Variants in TNFAIP8 observed in about 807,000 individuals in gnomAD.
The protein encoded by TNFAIP8 is tumor necrosis factor alpha-induced protein 8.
In TNFAIP8, 7 loss-of-function variants were observed where a neutral mutation model predicts 13.3. The observed-to-expected ratio is 0.52, with a 90% CI of 0.30 to 0.99. The LOEUF (loss-of-function observed/expected upper bound fraction) is 0.99. Among genes scored for constraint, TNFAIP8 ranks in the 50% least tolerant of loss-of-function variants. TNFAIP8 has a pLI of 0.07. For missense variants in TNFAIP8, 258 were observed against 236.9 expected (o/e 1.09, Z -0.58); for synonymous variants, 94 against 87.6 (o/e 1.07, Z -0.41).
At position 119,397,991 on chromosome 5, in the gene TNFAIP8, C is replaced by T. The variant is rs1465492990; in HGVS notation, c.*4610C>T. 1 of 152,210 alleles carries T rather than the reference C, an allele frequency of 6.6e-6. No homozygotes were observed. 9.4% of individuals were successfully genotyped at this position (152,210 alleles called of 1,614,324 possible). On this transcript the variant is annotated 3_prime_UTR_variant, in exon 2 of 2. Coordinates refer to ENST00000504771, the MANE Select transcript of TNFAIP8 (RefSeq NM_014350.4). ...AGCGAGTCCCAAATCGTACCATCTG[C>T]TGAGCACTGAGAAAGGATATGGACA... is the stretch of plus-strand genomic sequence containing the variant.
chr5:119,306,702 A>G (rs560638148), intron 1 of TNFAIP8: 1 of 152,246 alleles, frequency 6.6e-6, no homozygotes, highest in South Asian at 2.1e-4. Flanking sequence ...TGATTTTCCC[A>G]AAAGGGATAC....
At chr5:119,292,051 T>C (rs142189580) in intron 1 of TNFAIP8, among the ~76,000 whole-genome samples, 20 of 152,198 alleles carry the variant, frequency 1.3e-4, no homozygotes, top group African/African-American at 4.6e-4. Flanking sequence ...CCGGAAGCGA[T>C]TGATTTGCTC....
intron 1 of TNFAIP8, among the ~76,000 whole-genome samples, chr5:119,289,056 A>G (rs1748904017): frequency 6.6e-6 from 1 of 152,102 alleles, no homozygotes; most frequent in Non-Finnish European, 1.5e-5. Flanking sequence ...TTATTTTGCT[A>G]TTTCTTTCAT....
At chr5:119,369,980 T>C (rs1325061278) in intron 1 of TNFAIP8, among the ~76,000 whole-genome samples, 2 of 152,236 alleles carry the variant, frequency 1.3e-5, no homozygotes, top group African/African-American at 4.8e-5. Context: ...ATGAATTGTC[T>C]TTCAAATTTG....
At chr5:119,383,277 C>T (rs548832890) in intron 1 of TNFAIP8, among the ~76,000 whole-genome samples, 1 of 152,296 alleles carries the variant, frequency 6.6e-6, no homozygotes, top group South Asian at 2.1e-4. Context: ...AATAGGGTGA[C>T]CACTTACATT....
intron 1 of TNFAIP8, among the ~76,000 whole-genome samples, chr5:119,300,505 G>A (rs1034354303): frequency 6.6e-6 from 1 of 152,166 alleles, no homozygotes; most frequent in African/African-American, 2.4e-5. Flanking sequence ...ACTTAGAAAC[G>A]ATATTGCATT....
chr5:119,302,706 A>C (rs1210335443), intron 1 of TNFAIP8, among the ~76,000 whole-genome samples: 1 of 152,154 alleles, frequency 6.6e-6, no homozygotes, highest in Non-Finnish European at 1.5e-5. Context: ...GTTAATTTCC[A>C]TTCATAATTA....
intron 1 of TNFAIP8, among the ~76,000 whole-genome samples, chr5:119,297,363 A>G (rs1749210825): frequency 6.6e-6 from 1 of 151,632 alleles, no homozygotes; most frequent in African/African-American, 2.4e-5. Context: ...TTTGTTATGT[A>G]CCCAGTAGTC....
upstream of TNFAIP8, among the ~76,000 whole-genome samples, chr5:119,351,232 G>A (rs1751128979): frequency 6.6e-6 from 1 of 152,022 alleles, no homozygotes; most frequent in Non-Finnish European, 1.5e-5. Context: ...TCTCTATGTT[G>A]TCCAAGCTGG....
intron 1 of TNFAIP8, among the ~76,000 whole-genome samples, chr5:119,366,565 A>C (rs575521045): frequency 6.6e-5 from 10 of 152,322 alleles, no homozygotes; most frequent in Non-Finnish European, 1.2e-4. Flanking sequence ...ATGAAGTAGA[A>C]AAGCAGTGGT....
At chr5:119,347,924 G>C (rs1042425566) in intron 1 of TNFAIP8, among the ~76,000 whole-genome samples, 11 of 152,228 alleles carry the variant, frequency 7.2e-5, no homozygotes, top group Non-Finnish European at 1.2e-4. Flanking sequence ...ATGGCAACTA[G>C]AAGTGGGTTA....
chr5:119,289,610 C>T (rs904363336), intron 1 of TNFAIP8, among the ~76,000 whole-genome samples: 4 of 152,228 alleles, frequency 2.6e-5, no homozygotes, highest in African/African-American at 9.6e-5. Context: ...GCTGCTTAGA[C>T]ATGGCTGACT....
At chr5:119,367,975 C>T (rs1751925426) in intron 1 of TNFAIP8, among the ~76,000 whole-genome samples, 1 of 152,142 alleles carries the variant, frequency 6.6e-6, no homozygotes, top group Non-Finnish European at 1.5e-5. Flanking sequence ...CAGCTAGAGT[C>T]AGTATTCTCT....
intron 1 of TNFAIP8, among the ~76,000 whole-genome samples, chr5:119,293,987 A>G (rs1749077948): frequency 6.6e-6 from 1 of 152,194 alleles, no homozygotes; most frequent in African/African-American, 2.4e-5. Context: ...AACCAAATCC[A>G]TAGTATATCA....
At chr5:119,341,082 T>G in intron 1 of TNFAIP8, among the ~76,000 whole-genome samples, 1 of 138,624 alleles carries the variant, frequency 7.2e-6, no homozygotes, top group Non-Finnish European at 1.5e-5. Flanking sequence ...GTTTTTGGTC[T>G]CCTGCTTTTT....
chr5:119,293,557 G>C (rs1046513437), intron 1 of TNFAIP8, among the ~76,000 whole-genome samples: 2 of 152,126 alleles, frequency 1.3e-5, no homozygotes, highest in Non-Finnish European at 2.9e-5. Flanking sequence ...GTATTCCATT[G>C]TGTATGTGTA....
Position 119,372,516 on chromosome 5 carries a change from G to A in TNFAIP8, c.31+16395G>A, listed in dbSNP as rs1752120817. ...TGACCGTAAACCTTGCTAATCATTT[G>A]ACTAAGTAAAATAAATTCCTAGCTT... is the stretch of plus-strand genomic sequence containing the variant. On this transcript the variant is annotated intron_variant, in intron 1 of 1. Transcript: ENST00000504771. Among the ~76,000 whole-genome samples, 2 of 152,072 alleles carry A rather than the reference G, an allele frequency of 1.3e-5. 1 individual carries two copies. Among genetic ancestry groups the A allele is most frequent in the South Asian group, 4.1e-4 (2 of 4,824 alleles).
intron 1 of TNFAIP8, among the ~76,000 whole-genome samples, chr5:119,364,320 T>C (rs1475986776): frequency 6.6e-6 from 1 of 152,184 alleles, no homozygotes; most frequent in Non-Finnish European, 1.5e-5. Context: ...TTAGAAACTC[T>C]GTGCCAGGAA....
At position 119,385,589 on chromosome 5, in the gene TNFAIP8, A is replaced by T. The variant is rs547896651; in HGVS notation, c.32-7227A>T. Reference sequence around the variant, plus strand: ...GTACTAAATCTATTGCTAACAAGAAAGTAAGCACCTTAAAAAAAGAGAAAT... The same window carrying T: ...GTACTAAATCTATTGCTAACAAGAATGTAAGCACCTTAAAAAAAGAGAAAT... On this transcript the variant is annotated intron_variant, in intron 1 of 1. Transcript: ENST00000504771. Among the ~76,000 whole-genome samples the T allele has an allele frequency of 2.6e-5, 4 of 152,330 alleles. No homozygotes were observed. In the South Asian group the frequency reaches 6.2e-4, roughly 24 times the overall value.
Sources: gnomAD v4.1 joint callset for allele counts (sites outside exome capture counted in the v4.1 genomes callset) on GRCh38, gnomAD v4.1.1 for gene constraint, MANE v1.5 for transcripts, NCBI Gene and HGNC (gene_info 2026-07-23, HGNC 2026-07-21) for gene names.